The following SLF1 variants were observed in gnomAD, a reference collection of about 807,000 sequenced individuals.
SLF1 encodes the protein SMC5-SMC6 complex localization factor protein 1.
SLF1 carries 105 observed loss-of-function variants against 123.0 expected under a neutral mutation model. The ratio of observed to expected loss-of-function variants is 0.85; its 90% CI spans 0.73 to 1.00. SLF1 has a LOEUF of 1.00. Ranked by LOEUF, SLF1 falls within the 50% of genes least tolerant of loss-of-function variation. The pLI is 0.00. For missense variants in SLF1, 1,239 were observed against 1,223.0 expected (o/e 1.01, Z -0.20); for synonymous variants, 434 against 406.6 (o/e 1.07, Z -0.81).
In SLF1 at chr5:94,650,387, G is replaced by A. The variant is rs1747556305; in HGVS notation, c.738+790G>A. ...ATTTTTTTTTTTTTTTTTTGAGACA[G>A]AGTCTTGCTGTTTCGCCCAGGCTGG... On this transcript the variant is annotated intron_variant, in intron 6 of 20. Coordinates refer to ENST00000265140, the MANE Select transcript of SLF1 (RefSeq NM_032290.4). Among the ~76,000 whole-genome samples, 3 of 141,282 alleles carry A rather than the reference G, an allele frequency of 2.1e-5. No homozygotes were observed. The South Asian group carries it at 6.6e-4, about 31-fold the overall frequency. The allele number at this position is 141,282 out of a possible 152,430, so 92.7% of individuals were successfully genotyped here.
intron 14 of SLF1, among the ~76,000 whole-genome samples, chr5:94,672,239 G>A (rs971915004): frequency 3.3e-5 from 5 of 151,966 alleles, no homozygotes; most frequent in East Asian, 3.9e-4. Flanking sequence ...TTCAGGGATC[G>A]TAAGCATAGT....
chr5:94,670,095 C>A (rs1750273468), intron 12 of SLF1, 56 bp from the exon 13 acceptor site: 5 of 1,473,978 alleles, frequency 3.4e-6, no homozygotes, highest in South Asian at 1.4e-5. Flanking sequence ...ATTTTGTTCA[C>A]AAATGACTTA....
At chr5:94,686,305 A>G (rs1255595345) in intron 15 of SLF1, among the ~76,000 whole-genome samples, 2 of 152,232 alleles carry the variant, frequency 1.3e-5, no homozygotes, top group Admixed American at 6.5e-5. Context: ...CCTAATCTGT[A>G]TATATGTAAT....
intron 5 of SLF1, among the ~76,000 whole-genome samples, chr5:94,645,204 G>A (rs1052225119): frequency 6.6e-6 from 1 of 152,162 alleles, no homozygotes; most frequent in Non-Finnish European, 1.5e-5. Context: ...CCACTGATGG[G>A]CTGACTCCTG....
At position 94,691,968 on chromosome 5, in the gene SLF1, T is replaced by C; in HGVS notation, c.2513-106T>C. ...TTTATCACAGCATTCTTTTTGTATA[T>C]GAAGCACCTAGAAAGTCACACTGAT... On this transcript the variant is annotated intron_variant, in intron 19 of 20. Transcript: ENST00000265140. 3 of 1,023,688 alleles carry C rather than the reference T, an allele frequency of 2.9e-6. 1 individual carries two copies. Among genetic ancestry groups the C allele is most frequent in the Non-Finnish European group, 4.2e-6 (3 of 720,778 alleles). The allele number at this position is 1,023,688 out of a possible 1,614,324, so 63.4% of individuals were successfully genotyped here.
At chr5:94,676,736 CTG>C (rs1438571748) in intron 14 of SLF1, among the ~76,000 whole-genome samples, 3 of 152,246 alleles carry the variant, frequency 2.0e-5, no homozygotes, top group African/African-American at 7.2e-5. Flanking sequence ...CTGGTCCTGA[CTG>C]TGTTTTCCTT....
chr5:94,640,908 T>C (rs1746365295), intron 4 of SLF1, among the ~76,000 whole-genome samples: 1 of 152,234 alleles, frequency 6.6e-6, no homozygotes, highest in South Asian at 2.1e-4. Context: ...AAAGTTGTTT[T>C]CTGATAATTT....
intron 12 of SLF1, 57 bp downstream of exon 12, chr5:94,666,081 TA>T (rs2152488050): frequency 2.1e-6 from 3 of 1,410,774 alleles, no homozygotes; most frequent in Admixed American, 2.7e-5. Flanking sequence ...TTATGCTAAT[TA>T]TTTTTTTAAG....
chr5:94,665,684 C>T (rs1018916578), intron 11 of SLF1, among the ~76,000 whole-genome samples, 177 bp from the exon 12 acceptor site: 11 of 152,170 alleles, frequency 7.2e-5, no homozygotes, highest in South Asian at 4.2e-4. Context: ...ACCCAGGAGG[C>T]GGAGGTTGAG....
Position 94,662,311 on chromosome 5 carries a change from A to G in SLF1, c.1169A>G (p.Asn390Ser). 1 of 1,549,228 alleles carries G rather than the reference A, an allele frequency of 6.5e-7. No individual in the cohort carries two copies. The highest frequency in any genetic ancestry group is 8.7e-7 in the Non-Finnish European group (1 of 1,145,678). ...HIYRAQAVRY[N>S]CIRIDKQPVY... Reference sequence around the variant, plus strand: ...GCTCTTTTGTAGGCTGTCAGATACAACTGCATTAGAATAGATAAACAACCA... The same window carrying G: ...GCTCTTTTGTAGGCTGTCAGATACAGCTGCATTAGAATAGATAAACAACCA... The change falls in exon 10 of 21, where the codon AAC becomes AGC. Residue 390 changes from asparagine (N) to serine (S), a missense_variant. Coordinates refer to ENST00000265140, the MANE Select transcript of SLF1 (RefSeq NM_032290.4).
At chr5:94,638,429 C>T (rs772138754) in intron 4 of SLF1, among the ~76,000 whole-genome samples, 2 of 152,124 alleles carry the variant, frequency 1.3e-5, no homozygotes, top group Non-Finnish European at 2.9e-5. Context: ...CTGCCCGCCT[C>T]GGCCTCCCAA....
intron 14 of SLF1, among the ~76,000 whole-genome samples, chr5:94,671,946 A>C (rs1750510728): frequency 6.6e-6 from 1 of 152,054 alleles, no homozygotes; most frequent in African/African-American, 2.4e-5. Flanking sequence ...ATAGTGAATT[A>C]TAGTGAAAGA....
intron 9 of SLF1, among the ~76,000 whole-genome samples, chr5:94,655,068 A>G (rs1183717782): frequency 6.6e-6 from 1 of 152,174 alleles, no homozygotes; most frequent in Non-Finnish European, 1.5e-5. Flanking sequence ...TTATAGTTTC[A>G]GGTTTTACCT....
chr5:94,662,107 A>ATTC (rs1291640444), intron 9 of SLF1, among the ~76,000 whole-genome samples, 191 bp from the exon 10 acceptor site: 1 of 152,224 alleles, frequency 6.6e-6, no homozygotes, highest in Non-Finnish European at 1.5e-5. Flanking sequence ...AAATAGAGAA[A>ATTC]TGCTCATAGT....
rs1360875515 is a variant in SLF1, at chr5:94,643,267, ATT to A, written c.432-4_432-3del. The A allele has an allele frequency of 6.6e-7, 1 of 1,513,790 alleles. No homozygotes were observed. Among genetic ancestry groups the A allele is most frequent in the Non-Finnish European group, 8.9e-7 (1 of 1,129,890 alleles). 93.8% of individuals were successfully genotyped at this position (1,513,790 alleles called of 1,614,324 possible). ...ATACTTTTATACCATTTACATTTTTATTTAGAGTTTTGGAGGCTGGAAAGGCA... is the reference window on the plus strand; with the variant it reads ...ATACTTTTATACCATTTACATTTTTATAGAGTTTTGGAGGCTGGAAAGGCA... On this transcript the variant is annotated splice_polypyrimidine_tract_variant and splice_region_variant and intron_variant, in intron 4 of 20. Transcript: ENST00000265140.
rs1585196775 is a variant in SLF1 at position 94,671,110 on chromosome 5, T to C, written c.1827+102T>C. 15 of 852,528 alleles carry C rather than the reference T, an allele frequency of 1.8e-5. No individual in the cohort carries two copies. In the South Asian group the frequency reaches 3.4e-4, roughly 19 times the overall value. The allele number at this position is 852,528 out of a possible 1,614,324, so 52.8% of individuals were successfully genotyped here. Reference sequence around the variant, plus strand: ...ATTCTTTGGATCACTCGAAAACAATTAAAATGTACCCAAATATATCATTGT... The same window carrying C: ...ATTCTTTGGATCACTCGAAAACAATCAAAATGTACCCAAATATATCATTGT... On this transcript the variant is annotated intron_variant, in intron 14 of 20. Transcript: ENST00000265140.
chr5:94,689,417 T>G, intron 17 of SLF1, 56 bp from the exon 18 acceptor site: 1 of 1,557,960 alleles, frequency 6.4e-7, no homozygotes, highest in Non-Finnish European at 8.7e-7. Flanking sequence ...ATCTAATGTA[T>G]GCTGGCACGC....
chr5:94,626,400 T>C (rs941851516), intron 1 of SLF1, among the ~76,000 whole-genome samples: 10 of 152,156 alleles, frequency 6.6e-5, no homozygotes, highest in African/African-American at 2.4e-4. Flanking sequence ...ACTTAAAAAT[T>C]TTATACTGAC....
At position 94,695,380 on chromosome 5, in the gene SLF1, C is replaced by G. The variant is rs187730482; in HGVS notation, c.*68C>G. ...TTGCATTGGTACTTACTGTGGACTT[C>G]ATAGCTTACTGACAGATAGTAATTT... On this transcript the variant is annotated 3_prime_UTR_variant, in exon 21 of 21. Transcript: ENST00000265140. 5.3e-4 allele frequency: 777 copies of G among 1,456,292 alleles called. 4 individuals are homozygous for G. In the African/African-American group the frequency reaches 9.9e-3, roughly 18 times the overall value. The allele number at this position is 1,456,292 out of a possible 1,614,324, so 90.2% of individuals were successfully genotyped here.
Sources: gnomAD v4.1 joint callset for allele counts (sites outside exome capture counted in the v4.1 genomes callset) on GRCh38, gnomAD v4.1.1 for gene constraint, MANE v1.5 for transcripts, NCBI Gene and HGNC (gene_info 2026-07-23, HGNC 2026-07-21) for gene names.